ZNF324B: variants seen among roughly 807,000 people sequenced by gnomAD.
The protein encoded by ZNF324B is zinc finger protein 324B.
Under a neutral mutation model 10.6 loss-of-function variants are expected in ZNF324B, and 7 were observed. That is an observed-to-expected ratio of 0.66 (90% CI 0.38 to 1.24). ZNF324B has a LOEUF of 1.24. Ranked by LOEUF, ZNF324B falls within the 50% of genes most tolerant of loss-of-function variation. The pLI is 0.02. For missense variants in ZNF324B, 640 were observed against 764.7 expected (o/e 0.84, Z 1.92); for synonymous variants, 316 against 321.0 (o/e 0.98, Z 0.17).
At chr19:58,426,608 T>C in the ZNF324B span, among the ~76,000 whole-genome samples, 2 of 152,250 alleles carry the variant, frequency 1.3e-5, no homozygotes, top group South Asian at 4.1e-4. Context: ...ATGTTCCAGA[T>C]AGTTCACTCA....
upstream of ZNF324B, among the ~76,000 whole-genome samples, chr19:58,446,827 G>A (rs181559138): frequency 7.0e-3 from 1,057 of 151,740 alleles, 6 homozygotes; most frequent in Non-Finnish European, 8.7e-3. Context: ...CCCCCACCTC[G>A]GCCTCCCAAA....
the ZNF324B span, among the ~76,000 whole-genome samples, chr19:58,427,443 C>CT: frequency 2.9e-4 from 22 of 75,492 alleles, 2 homozygotes; most frequent in African/African-American, 2.0e-3. Context: ...TCCTTCCTTC[C>CT]TTTCCTTTCC....
At chr19:58,449,655 C>A (rs778262082), upstream of ZNF324B, among the ~76,000 whole-genome samples, 1 of 152,202 alleles carries the variant, frequency 6.6e-6, no homozygotes, top group African/African-American at 2.4e-5. Context: ...CTTTAAGATT[C>A]GACTGTCCTG....
At chr19:58,428,615 G>A in the ZNF324B span, 1 of 152,212 alleles carries the variant, frequency 6.6e-6, no homozygotes, top group Non-Finnish European at 1.5e-5. Flanking sequence ...ATGGCCATGA[G>A]ATGAACAGCC....
Position 58,455,240 on chromosome 19 carries a change from C to G in ZNF324B, c.296C>G (p.Pro99Arg). 1 of 1,614,204 alleles carries G rather than the reference C, an allele frequency of 6.2e-7. No individual in the cohort carries two copies. The highest frequency in any genetic ancestry group is 8.5e-7 in the Non-Finnish European group (1 of 1,180,044). The change falls in exon 4 of 4, where the codon CCA (proline) becomes CGA (arginine). Residue 99 changes from proline to arginine, a missense_variant. Coordinates refer to ENST00000336614, the MANE Select transcript of ZNF324B (RefSeq NM_207395.3). The surrounding 1 kb of genome is among the most constrained non-coding windows in gnomAD (Gnocchi z 7.0). ...TCTGGAGAATGGCCACGAGCTTTCC[C>G]AGATACCCCACCTGGGATGACTACT... ...DVSGEWPRAF[P>R]DTPPGMTTSV...
the ZNF324B span, among the ~76,000 whole-genome samples, chr19:58,427,295 C>CTTTCTT: frequency 2.2e-5 from 1 of 46,076 alleles, no homozygotes; most frequent in African/African-American, 1.7e-4. Context: ...TGGCTTTTTT[C>CTTTCTT]TTTCTTTCTT....
the ZNF324B span, among the ~76,000 whole-genome samples, chr19:58,427,391 TTTCTTTCTTTCTTTCC>T: frequency 1.0e-4 from 5 of 50,148 alleles, no homozygotes; most frequent in East Asian, 7.7e-4. Flanking sequence ...TCTTTCTTTC[TTTCTTTCTTTCTTTCC>T]TTCCTTCCTT....
upstream of ZNF324B, among the ~76,000 whole-genome samples, chr19:58,449,619 T>C (rs2052841706): frequency 6.6e-6 from 1 of 152,232 alleles, no homozygotes; most frequent in African/African-American, 2.4e-5. Context: ...ATGTGAGACA[T>C]GGAGTCAGAG....
At position 58,456,676 on chromosome 19, in the gene ZNF324B, C is replaced by A; in HGVS notation, c.*97C>A. ...TCTTCAGATCCACGATGGGGAAAAG[C>A]TCTGTGCCTGAGAGTCAGGGACGAG... On this transcript the variant is annotated 3_prime_UTR_variant, in exon 4 of 4. Transcript: ENST00000336614. This position sits in a 1 kb window ranked among gnomAD's most constrained non-coding sequence, Gnocchi z 4.7. 1.4e-6 allele frequency: 2 copies of A among 1,424,660 alleles called. No homozygotes were observed. The highest frequency in any genetic ancestry group is 1.9e-6 in the Non-Finnish European group (2 of 1,058,802). The allele number at this position is 1,424,660 out of a possible 1,614,324, so 88.3% of individuals were successfully genotyped here.
Position 58,456,061 on chromosome 19 carries a change from C to T in ZNF324B, c.1117C>T (p.Gln373Ter), listed in dbSNP as rs765227128. ...GGGTGGGCGTCCTTATGCTTGCGCA[C>T]AGTGTGGCCGCCGCTTCTGCCGCAA... ...HAGGRPYACAQCGRRFCRNSH... is the reference protein window; with the variant it reads ...HAGGRPYACA Residue 373 changes from glutamine (Q) to a stop codon, truncating the protein, a stop_gained, in exon 4 of 4, where the codon CAG becomes TAG. Coordinates refer to ENST00000336614, the MANE Select transcript of ZNF324B (RefSeq NM_207395.3). LOFTEE classifies it low-confidence loss of function (END_TRUNC). The surrounding 1 kb of genome is among the most constrained non-coding windows in gnomAD (Gnocchi z 4.7). The T allele has an allele frequency of 2.1e-5, 34 of 1,610,966 alleles. No individual in the cohort carries two copies. The highest frequency in any genetic ancestry group is 5.5e-5 in the South Asian group (5 of 91,014).
chr19:58,422,582 A>C, the ZNF324B span, among the ~76,000 whole-genome samples: 299 of 152,348 alleles, frequency 2.0e-3, 1 homozygote, highest in Middle Eastern at 0.02. Context: ...ATGTACAAAA[A>C]TCAGTAGTGT....
the ZNF324B span, chr19:58,419,362 C>G: frequency 6.6e-6 from 1 of 152,028 alleles, no homozygotes; most frequent in African/African-American, 2.4e-5. Context: ...CCTATAGGGG[C>G]CTGTTGGGTA....
At chr19:58,443,408 C>G in the ZNF324B span, 2 of 152,310 alleles carry the variant, frequency 1.3e-5, no homozygotes, top group Admixed American at 1.3e-4. Context: ...TTATCCCTGG[C>G]TGCTGCATAA....
At chr19:58,436,007 G>A in the ZNF324B span, among the ~76,000 whole-genome samples, 1 of 152,180 alleles carries the variant, frequency 6.6e-6, no homozygotes, top group Non-Finnish European at 1.5e-5. Flanking sequence ...GGAATATTTG[G>A]CTATAAAAAA....
chr19:58,433,122 G>C, the ZNF324B span: 12 of 612,240 alleles, frequency 2.0e-5, no homozygotes, highest in East Asian at 3.3e-4. Context: ...AAGATGGAAA[G>C]TGACTATGGC....
the ZNF324B span, among the ~76,000 whole-genome samples, chr19:58,428,280 T>C: frequency 9.2e-5 from 14 of 152,310 alleles, no homozygotes; most frequent in African/African-American, 3.1e-4. Flanking sequence ...CAGGGAAATA[T>C]CTAAAGCCAA....
At chr19:58,434,194 G>A in the ZNF324B span, 2 of 1,614,002 alleles carry the variant, frequency 1.2e-6, no homozygotes, top group African/African-American at 2.7e-5. Flanking sequence ...CTGAATGAGA[G>A]CAGAGCTTCG....
rs1170182686 is a variant in ZNF324B at position 58,455,071 on chromosome 19, T to C, written c.239-112T>C. On this transcript the variant is annotated intron_variant, in intron 3 of 3. Coordinates refer to ENST00000336614, the MANE Select transcript of ZNF324B (RefSeq NM_207395.3). This position sits in a 1 kb window ranked among gnomAD's most constrained non-coding sequence, Gnocchi z 7.0. The stretch of plus-strand genomic sequence containing the variant: ...GCAGAGCCAGCCTCACCTCTTCTTT[T>C]TCCCTAAGCTTTTGTCCCGGCTCCT... The C allele has an allele frequency of 1.4e-6, 2 of 1,456,292 alleles. No individual in the cohort carries two copies. Among genetic ancestry groups the C allele is most frequent in the East Asian group, 2.3e-5 (1 of 44,112 alleles). The allele number at this position is 1,456,292 out of a possible 1,614,324, so 90.2% of individuals were successfully genotyped here.
Position 58,456,089 on chromosome 19 carries a change from C to A in ZNF324B, c.1145C>A (p.Ser382Ter). The A allele has an allele frequency of 6.2e-7, 1 of 1,612,606 alleles. No individual in the cohort carries two copies. The highest frequency in any genetic ancestry group is 1.1e-5 in the South Asian group (1 of 91,060). Residue 382 changes from serine to a stop codon, truncating the protein, a stop_gained, in exon 4 of 4, where the codon TCG becomes TAG. Coordinates refer to ENST00000336614, the MANE Select transcript of ZNF324B (RefSeq NM_207395.3). LOFTEE classifies it low-confidence loss of function (END_TRUNC). The surrounding 1 kb of genome is among the most constrained non-coding windows in gnomAD (Gnocchi z 4.7). ...AQCGRRFCRNSHLIQHERTHT... is the reference protein window; with the variant it reads ...AQCGRRFCRN ...TGTGGCCGCCGCTTCTGCCGCAACT[C>A]GCACCTGATCCAGCACGAGCGTACG...
Sources: allele counts gnomAD v4.1 joint callset (sites outside exome capture counted in the v4.1 genomes callset), GRCh38; gene constraint gnomAD v4.1.1; non-coding constraint Gnocchi (gnomAD v3.1); transcripts MANE v1.5; gene names NCBI Gene and HGNC (gene_info 2026-07-23, HGNC 2026-07-21).